Variants in LINGO2 observed in about 807,000 individuals in gnomAD.
The protein encoded by LINGO2 is leucine-rich repeat and immunoglobulin-like domain-containing nogo receptor-interacting protein 2.
A neutral mutation model predicts 30.6 loss-of-function variants in LINGO2; 14 were observed. That is an observed-to-expected ratio of 0.46 (90% CI 0.30 to 0.72). LINGO2 has a LOEUF of 0.72. Among genes scored for constraint, LINGO2 ranks in the 30% least tolerant of loss-of-function variants. The probability of loss-of-function intolerance (pLI) is 0.07; values close to 1 mark genes in which losing one functional copy is unlikely to be tolerated. For missense variants in LINGO2, 729 were observed against 751.7 expected (o/e 0.97, Z 0.35); for synonymous variants, 317 against 288.5 (o/e 1.10, Z -1.00).
At chr9:28,244,444 A>G (rs1018809570) in intron 4 of LINGO2, among the ~76,000 whole-genome samples, 1 of 152,188 alleles carries the variant, frequency 6.6e-6, no homozygotes, top group African/African-American at 2.4e-5. Flanking sequence ...AAGACAAGAA[A>G]TAATTAAGAT....
intron 3 of LINGO2, among the ~76,000 whole-genome samples, chr9:28,326,428 T>G (rs1452480684): frequency 6.6e-6 from 1 of 152,220 alleles, no homozygotes; most frequent in Non-Finnish European, 1.5e-5. Flanking sequence ...TTCCTTTGTT[T>G]GTTCACTTAA....
intron 1 of LINGO2, among the ~76,000 whole-genome samples, chr9:28,537,293 C>T (rs1486226430): frequency 6.6e-6 from 1 of 152,124 alleles, no homozygotes; most frequent in Non-Finnish European, 1.5e-5. Flanking sequence ...TACTTTTATA[C>T]ATCAGCCCTA....
At chr9:28,826,296 C>A in the LINGO2 span, among the ~76,000 whole-genome samples, 2 of 152,100 alleles carry the variant, frequency 1.3e-5, no homozygotes, top group Non-Finnish European at 2.9e-5. Flanking sequence ...GTATAACAAT[C>A]AAAAGACTTT....
At chr9:28,914,689 G>T in the LINGO2 span, among the ~76,000 whole-genome samples, 1 of 152,076 alleles carries the variant, frequency 6.6e-6, no homozygotes, top group African/African-American at 2.4e-5. Context: ...GTTTGACAGG[G>T]TCTGCTGAAG....
chr9:28,766,998 G>T, the LINGO2 span, among the ~76,000 whole-genome samples: 1 of 151,844 alleles, frequency 6.6e-6, no homozygotes, highest in African/African-American at 2.4e-5. Flanking sequence ...TTACAGAAAA[G>T]TACTGCATGA....
At chr9:28,854,299 A>G in the LINGO2 span, among the ~76,000 whole-genome samples, 3 of 152,064 alleles carry the variant, frequency 2.0e-5, no homozygotes, top group African/African-American at 7.2e-5. Context: ...TGAATGCTGA[A>G]GAAGACCACA....
the LINGO2 span, among the ~76,000 whole-genome samples, chr9:29,065,244 T>A: frequency 6.6e-6 from 1 of 152,142 alleles, no homozygotes; most frequent in East Asian, 1.9e-4. Flanking sequence ...TCTGTTATTT[T>A]ATTTTGCTGT....
intron 3 of LINGO2, among the ~76,000 whole-genome samples, chr9:28,340,000 T>C (rs1464876224): frequency 6.6e-6 from 1 of 152,182 alleles, no homozygotes; most frequent in African/African-American, 2.4e-5. Flanking sequence ...TGCTTCACAG[T>C]TGAATTCTCC....
At chr9:29,171,483 T>C in the LINGO2 span, among the ~76,000 whole-genome samples, 1 of 152,038 alleles carries the variant, frequency 6.6e-6, no homozygotes, top group African/African-American at 2.4e-5. Context: ...TTTCCGTCAG[T>C]TGCTTTTGAA....
At chr9:28,606,342 G>A (rs1450396143) in intron 1 of LINGO2, among the ~76,000 whole-genome samples, 1 of 152,038 alleles carries the variant, frequency 6.6e-6, no homozygotes. Flanking sequence ...ACCTGCTGGT[G>A]AGTGAGCTCT....
At chr9:29,056,275 T>G in the LINGO2 span, among the ~76,000 whole-genome samples, 1 of 152,134 alleles carries the variant, frequency 6.6e-6, no homozygotes, top group Admixed American at 6.6e-5. Context: ...ATTTTTTGAT[T>G]TTTTGATTAT....
the LINGO2 span, among the ~76,000 whole-genome samples, chr9:28,883,113 C>T: frequency 1.3e-5 from 2 of 152,178 alleles, no homozygotes; most frequent in Non-Finnish European, 2.9e-5. Flanking sequence ...GAGCTGTTAT[C>T]TACCTGTTGA....
intron 2 of LINGO2, among the ~76,000 whole-genome samples, chr9:28,414,060 C>T (rs1299557903): frequency 1.3e-5 from 2 of 152,020 alleles, no homozygotes; most frequent in African/African-American, 2.4e-5. Flanking sequence ...AGCAAAGCAG[C>T]AGCTTGTTTT....
At chr9:28,251,843 C>T (rs1031973262) in intron 4 of LINGO2, among the ~76,000 whole-genome samples, 1 of 152,074 alleles carries the variant, frequency 6.6e-6, no homozygotes, top group African/African-American at 2.4e-5. Flanking sequence ...TTCAAGAAGA[C>T]ATAGCAATCC....
the LINGO2 span, among the ~76,000 whole-genome samples, chr9:29,159,164 C>T: frequency 1.3e-5 from 2 of 152,092 alleles, no homozygotes; most frequent in African/African-American, 4.8e-5. Context: ...CTGAGCTACA[C>T]AAAAAAGATG....
intron 4 of LINGO2, among the ~76,000 whole-genome samples, chr9:28,236,064 G>C (rs1240673186): frequency 6.6e-6 from 1 of 152,012 alleles, no homozygotes; most frequent in Admixed American, 6.6e-5. Flanking sequence ...CAAGGATAAA[G>C]AAAGGATCCT....
chr9:28,538,407 A>ATTCAGTCGT lies in LINGO2; in HGVS notation c.-364-62391_-364-62383dup, dbSNP rs1821526513. 7.2e-5 allele frequency among the ~76,000 whole-genome samples: 11 copies of ATTCAGTCGT among 152,172 alleles called. No individual in the cohort carries two copies. The South Asian group carries it at 2.3e-3, about 32-fold the overall frequency. Reference sequence around the variant, plus strand: ...GTATTTGGAAGAGGTTGATAGAGATATTCAGTCGTGACAGACATAGTTAAC... The same window carrying ATTCAGTCGT: ...GTATTTGGAAGAGGTTGATAGAGATATTCAGTCGTTTCAGTCGTGACAGACATAGTTAAC... On this transcript the variant is annotated intron_variant, in intron 1 of 5. Coordinates refer to ENST00000379992, the Ensembl canonical transcript of LINGO2.
chr9:28,354,934 T>C (rs1023534120), intron 3 of LINGO2, among the ~76,000 whole-genome samples: 1 of 152,170 alleles, frequency 6.6e-6, no homozygotes, highest in African/African-American at 2.4e-5. Flanking sequence ...CTGTTGTGCA[T>C]TGCTGAATTT....
chr9:28,956,693 T>C, the LINGO2 span, among the ~76,000 whole-genome samples: 255 of 101,928 alleles, frequency 2.5e-3, no homozygotes, highest in African/African-American at 9.0e-3. Flanking sequence ...CTTCCTTCCT[T>C]CCTCCCTCCC....
Sources: gnomAD v4.1 joint callset for allele counts (sites outside exome capture counted in the v4.1 genomes callset) on GRCh38, gnomAD v4.1.1 for gene constraint, MANE v1.5 for transcripts, NCBI Gene and HGNC (gene_info 2026-07-23, HGNC 2026-07-21) for gene names.